The following TRERF1 variants were observed in gnomAD, a reference collection of about 807,000 sequenced individuals.
TRERF1 encodes the protein transcriptional-regulating factor 1.
Under a neutral mutation model 122.9 loss-of-function variants are expected in TRERF1, and 27 were observed. That is an observed-to-expected ratio of 0.22 (90% CI 0.16 to 0.30). TRERF1 has a LOEUF of 0.30. Among genes scored for constraint, TRERF1 ranks in the 10% least tolerant of loss-of-function variants. TRERF1 has a pLI of 1.00. For missense variants in TRERF1, 1,248 were observed against 1,560.3 expected, an observed-to-expected ratio of 0.80 and a Z score of 3.37; for synonymous variants, 636 against 641.7, an observed-to-expected ratio of 0.99 and a Z score of 0.13.
In TRERF1 at chr6:42,259,490, G is replaced by A. The variant is rs750472878; in HGVS notation, c.2118C>T (p.Pro706=). 13 of 1,611,204 alleles carry A rather than the reference G, an allele frequency of 8.1e-6. No homozygotes were observed. Among genetic ancestry groups the A allele is most frequent in the South Asian group, 1.1e-5 (1 of 90,968 alleles). Residue 706 remains proline, a synonymous_variant, in exon 9 of 18, where the codon CCC becomes CCT. Transcript: ENST00000372922. This position sits in a 1 kb window ranked among gnomAD's most constrained non-coding sequence, Gnocchi z 4.9. The stretch of plus-strand genomic sequence containing the variant: ...TCAGCATGGGTGGGGGCGTGTAAGG[G>A]GGCAGCTCGTGGGTGGGGTCCAGGA...
At chr6:42,392,921 T>TACACACACACAC (rs1407835106) in intron 2 of TRERF1, among the ~76,000 whole-genome samples, 1 of 42,960 alleles carries the variant, frequency 2.3e-5, no homozygotes, top group Non-Finnish European at 4.7e-5. Context: ...CACACACACA[T>TACACACACACAC]ACACACACAT....
Position 42,344,737 on chromosome 6 carries a change from T to C in TRERF1, c.-371+18260A>G, listed in dbSNP as rs1240157302. On this transcript the variant is annotated intron_variant, in intron 3 of 17. Coordinates refer to ENST00000372922, the Ensembl canonical transcript of TRERF1. ...CTAAATGTCACAGCCCCCCACCAGA[T>C]GCTTGCTCAAAGGCTGCCACTTCAC... Among the ~76,000 whole-genome samples the C allele has an allele frequency of 4.6e-5, 7 of 152,276 alleles. No homozygotes were observed. In the South Asian group the frequency reaches 1.2e-3, roughly 27 times the overall value.
intron 6 of TRERF1, 28 bp downstream of exon 6, chr6:42,265,723 A>C (rs1295941283): frequency 1.9e-6 from 3 of 1,610,514 alleles, no homozygotes; most frequent in African/African-American, 1.3e-5. Flanking sequence ...CGTCTCCCAA[A>C]ATACCAACAA....
chr6:42,248,851 G>A (rs1412539277), intron 13 of TRERF1, among the ~76,000 whole-genome samples: 3 of 152,118 alleles, frequency 2.0e-5, no homozygotes, highest in Non-Finnish European at 4.4e-5. Context: ...TGGGATTTGA[G>A]GCTCTATATC....
At chr6:42,265,784 T>C in exon 6 of TRERF1, 13 of 1,613,152 alleles carry the variant, frequency 8.1e-6, no homozygotes, top group Non-Finnish European at 1.1e-5. Flanking sequence ...GGCTCTCCCA[T>C]CAGGTAGGTG....
intron 2 of TRERF1, among the ~76,000 whole-genome samples, chr6:42,410,844 T>C (rs1163313367): frequency 6.6e-6 from 1 of 152,258 alleles, no homozygotes; most frequent in Non-Finnish European, 1.5e-5. Flanking sequence ...CACTGATGAC[T>C]TCTGCAGCTG....
intron 8 of TRERF1, among the ~76,000 whole-genome samples, chr6:42,261,182 C>G (rs978484838): frequency 2.0e-5 from 3 of 152,178 alleles, no homozygotes; most frequent in East Asian, 3.9e-4. Flanking sequence ...GTGCCCCCCC[C>G]AAGGGGAGCA....
At chr6:42,382,491 C>G (rs945076574) in intron 2 of TRERF1, among the ~76,000 whole-genome samples, 1 of 150,602 alleles carries the variant, frequency 6.6e-6, no homozygotes, top group African/African-American at 2.4e-5. Flanking sequence ...TCACCTCTCA[C>G]AATCTGAAAA....
chr6:42,418,267 T>TTTCTC (rs1491447632), intron 2 of TRERF1, among the ~76,000 whole-genome samples: 3 of 8,756 alleles, frequency 3.4e-4, no homozygotes, highest in African/African-American at 4.2e-4. Flanking sequence ...TCTTTCTTTC[T>TTTCTC]TTTTTTTTTT....
chr6:42,329,453 T>C (rs554384030), intron 3 of TRERF1, among the ~76,000 whole-genome samples: 5 of 152,222 alleles, frequency 3.3e-5, no homozygotes, highest in Admixed American at 1.3e-4. Flanking sequence ...AGGTGGGGAC[T>C]GCCTCTTCCC....
intron 2 of TRERF1, among the ~76,000 whole-genome samples, chr6:42,375,660 T>G (rs1439687273): frequency 6.6e-6 from 1 of 152,136 alleles, no homozygotes; most frequent in African/African-American, 2.4e-5. Context: ...GGCTACACAC[T>G]GACTGACTAA....
chr6:42,402,819 T>C (rs967724912), intron 2 of TRERF1, among the ~76,000 whole-genome samples: 2 of 152,156 alleles, frequency 1.3e-5, no homozygotes, highest in African/African-American at 4.8e-5. Flanking sequence ...CTGCTTTACA[T>C]ACCTTTTCTC....
chr6:42,408,357 A>G (rs145127812), intron 2 of TRERF1, among the ~76,000 whole-genome samples: 1,240 of 80,084 alleles, frequency 0.015, 44 homozygotes, highest in East Asian at 0.075. Context: ...GTGTGTGTGT[A>G]TATATATATA....
intron 2 of TRERF1, among the ~76,000 whole-genome samples, chr6:42,428,547 C>T (rs1411926703): frequency 6.6e-6 from 1 of 152,216 alleles, no homozygotes; most frequent in Non-Finnish European, 1.5e-5. Context: ...TTATCAGATT[C>T]ACACATCTTA....
intron 3 of TRERF1, among the ~76,000 whole-genome samples, chr6:42,325,127 C>A (rs144227722): frequency 0.014 from 2,189 of 152,240 alleles, 50 homozygotes; most frequent in African/African-American, 0.047. Flanking sequence ...GGAAGACATA[C>A]AAGTGGCCAA....
chr6:42,243,447 T>C, intron 14 of TRERF1, 86 bp from the exon 15 acceptor site: 3 of 961,298 alleles, frequency 3.1e-6, no homozygotes, highest in Non-Finnish European at 5.0e-6. Flanking sequence ...AATTTTGTAA[T>C]AGGGTAATAA....
chr6:42,291,451 TAAA>T (rs35745800), intron 4 of TRERF1, among the ~76,000 whole-genome samples: 18 of 125,178 alleles, frequency 1.4e-4, no homozygotes, highest in Admixed American at 1.6e-4. Flanking sequence ...CACTTTACAC[TAAA>T]AAAAAAAAAA....
At chr6:42,447,969 G>T (rs1362928837) in intron 2 of TRERF1, among the ~76,000 whole-genome samples, 1 of 152,142 alleles carries the variant, frequency 6.6e-6, no homozygotes, top group East Asian at 1.9e-4. Flanking sequence ...CTCCCAAAGT[G>T]CTGGGATTAC....
Position 42,228,778 on chromosome 6 carries a change from C to T in TRERF1, c.3279-109G>A. On this transcript the variant is annotated intron_variant, in intron 17 of 17. Transcript: ENST00000372922. This position sits in a 1 kb window ranked among gnomAD's most constrained non-coding sequence, Gnocchi z 4.2. ...GTGTGTGGTCTGACAAAGTCCCTGGCTGCTCGGCTTCTAGGACCTCCTTCC... is the reference window on the plus strand; with the variant it reads ...GTGTGTGGTCTGACAAAGTCCCTGGTTGCTCGGCTTCTAGGACCTCCTTCC... The T allele has an allele frequency of 8.9e-7, 1 of 1,127,286 alleles. No homozygotes were observed. Among genetic ancestry groups the T allele is most frequent in the Non-Finnish European group, 1.3e-6 (1 of 794,116 alleles). 69.8% of individuals were successfully genotyped at this position (1,127,286 alleles called of 1,614,324 possible). A position where few individuals can be genotyped will look rare whatever the true frequency, so the allele number is the denominator to read the frequency against.
Sources: allele counts gnomAD v4.1 joint callset (sites outside exome capture counted in the v4.1 genomes callset), GRCh38; gene constraint gnomAD v4.1.1; non-coding constraint Gnocchi (gnomAD v3.1); transcripts MANE v1.5; gene names NCBI Gene and HGNC (gene_info 2026-07-23, HGNC 2026-07-21).